TIMP2: variants seen among roughly 807,000 people sequenced by gnomAD.
TIMP2 encodes the protein metalloproteinase inhibitor 2.
TIMP2 carries 5 observed loss-of-function variants against 24.3 expected under a neutral mutation model. The observed-to-expected ratio is 0.21, with a 90% confidence interval of 0.11 to 0.43. The LOEUF (loss-of-function observed/expected upper bound fraction) is 0.43. Among genes scored for constraint, TIMP2 ranks in the 20% least tolerant of loss-of-function variants. The pLI is 1.00. For missense variants in TIMP2, 221 were observed against 297.5 expected (o/e 0.74, Z 1.89); for synonymous variants, 130 against 123.2 (o/e 1.06, Z -0.37).
chr17:78,878,809 T>C (rs1229035654), intron 1 of TIMP2, among the ~76,000 whole-genome samples: 1 of 152,154 alleles, frequency 6.6e-6, no homozygotes, highest in Non-Finnish European at 1.5e-5. Context: ...GCTGCTTTAG[T>C]CTGCCCCTGG....
rs1159726944 is a variant in TIMP2 at position 78,891,313 on chromosome 17, G to A, written c.131-17394C>T. On this transcript the variant is annotated intron_variant, in intron 1 of 4. Transcript: ENST00000262768. The surrounding 1 kb of genome is among the most constrained non-coding windows in gnomAD (Gnocchi z 4.5). ...GTTCCCCGGCAGGCAGCATCTCTGGGTCTGCCATTTTCTTCCCTCTTGGGG... is the reference window on the plus strand; with the variant it reads ...GTTCCCCGGCAGGCAGCATCTCTGGATCTGCCATTTTCTTCCCTCTTGGGG... 4.5e-6 allele frequency: 7 copies of A among 1,550,326 alleles called. No homozygotes were observed. The highest frequency in any genetic ancestry group is 2.0e-5 in the Admixed American group (1 of 50,968).
chr17:78,916,419 GCC>G (rs2070258550), intron 1 of TIMP2, among the ~76,000 whole-genome samples: 4 of 152,016 alleles, frequency 2.6e-5, no homozygotes, highest in Non-Finnish European at 5.9e-5. Flanking sequence ...AATCCCTCTC[GCC>G]GAGACTTTCT....
rs115462123 is a variant in TIMP2, at chr17:78,859,258, T to C, written c.341-1612A>G. Reference sequence around the variant, plus strand: ...AGCTGCCTCCTTCCTTTGCTGAAGATACTACATTGGCAATAGCCTTGGCGT... The same window carrying C: ...AGCTGCCTCCTTCCTTTGCTGAAGACACTACATTGGCAATAGCCTTGGCGT... On this transcript the variant is annotated intron_variant, in intron 3 of 4. Coordinates refer to ENST00000262768, the MANE Select transcript of TIMP2 (RefSeq NM_003255.5). 3.1e-3 allele frequency among the ~76,000 whole-genome samples: 472 copies of C among 152,334 alleles called. 9 individuals carry two copies. Among genetic ancestry groups the C allele is most frequent in the African/African-American group, 0.011 (453 of 41,578 alleles).
At chr17:78,903,974 T>A (rs930221298) in intron 1 of TIMP2, 3 of 151,682 alleles carry the variant, frequency 2.0e-5, no homozygotes, top group African/African-American at 7.3e-5. Context: ...CAGGCTGGAG[T>A]ACGGTGGCGC....
At position 78,870,421 on chromosome 17, in the gene TIMP2, A is replaced by AAAAGAAAG. The variant is rs374853871; in HGVS notation, c.340+469_340+476dup. Reference sequence around the variant, plus strand: ...ACAGAGCGACACTCTGTCTCAAAAAAAAAGAAAGAAAGAAAGAAAGAAAGA... The same window carrying AAAAGAAAG: ...ACAGAGCGACACTCTGTCTCAAAAAAAAAGAAAGAAAGAAAGAAAGAAAGAAAGAAAGA... On this transcript the variant is annotated intron_variant, in intron 3 of 4. Transcript: ENST00000262768. Among the ~76,000 whole-genome samples the AAAAGAAAG allele has an allele frequency of 4.8e-4, 33 of 68,500 alleles. 1 individual carries two copies. Among genetic ancestry groups the AAAAGAAAG allele is most frequent in the African/African-American group, 1.3e-3 (31 of 23,056 alleles). The allele number at this position is 68,500 out of a possible 152,430, so 44.9% of individuals were successfully genotyped here. A position where few individuals can be genotyped will look rare whatever the true frequency, so the allele number is the denominator to read the frequency against.
In TIMP2 at chr17:78,891,008, G is replaced by A. The variant is rs997116594; in HGVS notation, c.131-17089C>T. On this transcript the variant is annotated intron_variant, in intron 1 of 4. Transcript: ENST00000262768. The surrounding 1 kb of genome is among the most constrained non-coding windows in gnomAD (Gnocchi z 4.5). ...TGCTTTCTGCCTTTGCCTGGATGCCGTCGAGCCCACTCTGTCTGCCTGGTC... is the reference window on the plus strand; with the variant it reads ...TGCTTTCTGCCTTTGCCTGGATGCCATCGAGCCCACTCTGTCTGCCTGGTC... 15 of 1,551,016 alleles carry A rather than the reference G, an allele frequency of 9.7e-6. No individual in the cohort carries two copies. The highest frequency in any genetic ancestry group is 4.8e-5 in the South Asian group (4 of 84,060).
chr17:78,893,871 G>C (rs1317058552), intron 1 of TIMP2, among the ~76,000 whole-genome samples: 3 of 152,144 alleles, frequency 2.0e-5, no homozygotes, highest in Non-Finnish European at 4.4e-5. Flanking sequence ...CACCAAAACA[G>C]TACGGGATTG....
At chr17:78,856,007 C>A in intron 4 of TIMP2, 143 bp from the exon 5 acceptor site, 2 of 838,456 alleles carry the variant, frequency 2.4e-6, no homozygotes, top group Non-Finnish European at 3.8e-6. Flanking sequence ...ACCCACGGTT[C>A]CTGCAGGGGC....
At chr17:78,881,545 G>A (rs553575129) in intron 1 of TIMP2, among the ~76,000 whole-genome samples, 100 of 152,396 alleles carry the variant, frequency 6.6e-4, no homozygotes, top group African/African-American at 2.3e-3. Context: ...CTGCGTAGAC[G>A]CAAACGCGGT....
rs1282964099 is a variant in TIMP2 at position 78,924,657 on chromosome 17, C to A, written c.130+302G>T. 6.6e-6 allele frequency among the ~76,000 whole-genome samples: 1 copy of A among 152,128 alleles called. No homozygotes were observed. Among genetic ancestry groups the A allele is most frequent in the Non-Finnish European group, 1.5e-5 (1 of 68,008 alleles). On this transcript the variant is annotated intron_variant, in intron 1 of 4. Coordinates refer to ENST00000262768, the MANE Select transcript of TIMP2 (RefSeq NM_003255.5). This position sits in a 1 kb window ranked among gnomAD's most constrained non-coding sequence, Gnocchi z 5.3. ...CGCCCCCAGCGCTGGCATCCCAGGG[C>A]GCGCCGCCTGCCAAAAGCCAAACTG...
chr17:78,887,820 T>G (rs2069838502), intron 1 of TIMP2, among the ~76,000 whole-genome samples: 1 of 151,756 alleles, frequency 6.6e-6, no homozygotes. Flanking sequence ...CCAAAAGCAC[T>G]TTTTGACACC....
At chr17:78,885,990 G>A (rs951005596) in intron 1 of TIMP2, among the ~76,000 whole-genome samples, 1 of 152,180 alleles carries the variant, frequency 6.6e-6, no homozygotes, top group Admixed American at 6.5e-5. Flanking sequence ...TGACATCTCC[G>A]TAAGAATCAC....
intron 1 of TIMP2, among the ~76,000 whole-genome samples, chr17:78,921,163 C>T (rs1352479691): frequency 1.3e-5 from 2 of 152,196 alleles, no homozygotes; most frequent in Non-Finnish European, 1.5e-5. Flanking sequence ...TGACTGCGTG[C>T]TGTGTGTTTT....
chr17:78,911,680 C>G (rs1185400719), intron 1 of TIMP2, among the ~76,000 whole-genome samples: 2 of 151,992 alleles, frequency 1.3e-5, no homozygotes, highest in Non-Finnish European at 2.9e-5. Context: ...ATCCGCCCAC[C>G]TTGGCCTCCA....
chr17:78,893,601 CTGTG>C (rs1276641690), intron 1 of TIMP2, among the ~76,000 whole-genome samples: 3 of 151,496 alleles, frequency 2.0e-5, no homozygotes, highest in Non-Finnish European at 4.4e-5. Context: ...GTATGCATGT[CTGTG>C]TGTGCCTCTG....
intron 3 of TIMP2, among the ~76,000 whole-genome samples, chr17:78,864,738 A>T (rs2069595140): frequency 6.6e-6 from 1 of 152,164 alleles, no homozygotes; most frequent in East Asian, 1.9e-4. Context: ...AAACTTTAAA[A>T]TGTATGCACA....
chr17:78,857,651 G>A lies in TIMP2; in HGVS notation c.341-5C>T, dbSNP rs372102384. ...TGCCGTCCCCCTCGGCCTTTCCTGC[G>A]GAGAGACGGGGATCACCGAGCTCAG... is the stretch of plus-strand genomic sequence containing the variant. On this transcript the variant is annotated splice_region_variant and splice_polypyrimidine_tract_variant and intron_variant, in intron 3 of 4. Transcript: ENST00000262768. 1.5e-5 allele frequency: 25 copies of A among 1,613,916 alleles called. No homozygotes were observed. The highest frequency in any genetic ancestry group is 1.6e-4 in the Middle Eastern group (1 of 6,072).
At chr17:78,903,749 G>A (rs999416138) in intron 1 of TIMP2, among the ~76,000 whole-genome samples, 4 of 152,088 alleles carry the variant, frequency 2.6e-5, no homozygotes, top group Admixed American at 6.5e-5. Flanking sequence ...AAGGATGGGC[G>A]AGGGAAGCTG....
chr17:78,916,060 G>A (rs2070255315), intron 1 of TIMP2, among the ~76,000 whole-genome samples: 2 of 152,170 alleles, frequency 1.3e-5, no homozygotes, highest in Non-Finnish European at 2.9e-5. Context: ...GCTGCTCCCA[G>A]GCCTCCCTCA....
Sources: allele counts gnomAD v4.1 joint callset (sites outside exome capture counted in the v4.1 genomes callset), GRCh38; gene constraint gnomAD v4.1.1; non-coding constraint Gnocchi (gnomAD v3.1); transcripts MANE v1.5; gene names NCBI Gene and HGNC (gene_info 2026-07-23, HGNC 2026-07-21).